Variants in CYTH4 observed in about 807,000 individuals in gnomAD.
CYTH4 encodes the protein cytohesin-4.
A neutral mutation model predicts 57.5 loss-of-function variants in CYTH4; 22 were observed. The ratio of observed to expected loss-of-function variants is 0.38; its 90% CI spans 0.27 to 0.55. The LOEUF is 0.55. Ranked by LOEUF, CYTH4 falls within the 20% of genes least tolerant of loss-of-function variation. CYTH4 has a pLI of 0.74. For synonymous variants in CYTH4, 186 were observed against 206.5 expected, an observed-to-expected ratio of 0.90 and a Z score of 0.85; for missense variants, 420 against 535.6, an observed-to-expected ratio of 0.78 and a Z score of 2.13.
intron 4 of CYTH4, 93 bp downstream of exon 4, chr22:37,296,158 C>T: frequency 7.7e-7 from 1 of 1,298,204 alleles, no homozygotes. Context: ...CTGACACGAC[C>T]CCTTTCCAGA....
chr22:37,296,274 G>A (rs1369514034), intron 4 of CYTH4: 1 of 596,474 alleles, frequency 1.7e-6, no homozygotes, highest in Non-Finnish European at 2.9e-6. Context: ...TGGGGCAGGA[G>A]GAGCCAGGAG....
intron 8 of CYTH4, among the ~76,000 whole-genome samples, chr22:37,305,915 C>A (rs1929377877): frequency 6.6e-6 from 1 of 151,230 alleles, no homozygotes; most frequent in African/African-American, 2.5e-5. Flanking sequence ...GTTGAGCCAA[C>A]CTTGCTCTGG....
intron 6 of CYTH4, among the ~76,000 whole-genome samples, chr22:37,300,469 G>A (rs1929138303): frequency 6.6e-6 from 1 of 152,210 alleles, no homozygotes; most frequent in Non-Finnish European, 1.5e-5. Context: ...AACTTCCAGA[G>A]CTAGAGGGAA....
At chr22:37,296,114 G>A (rs984484956) in intron 4 of CYTH4, 49 bp downstream of exon 4, 6 of 1,568,072 alleles carry the variant, frequency 3.8e-6, no homozygotes, top group South Asian at 1.1e-5. Context: ...GGCTGCATGG[G>A]AGCACCTGCC....
intron 9 of CYTH4, 34 bp from the exon 10 acceptor site, chr22:37,310,954 G>A (rs1192019917): frequency 1.2e-6 from 2 of 1,611,996 alleles, no homozygotes; most frequent in Non-Finnish European, 1.7e-6. Flanking sequence ...CCCAGGAGGA[G>A]GACTGACCAG....
chr22:37,282,764 G>T (rs954788149), intron 1 of CYTH4, among the ~76,000 whole-genome samples, 176 bp downstream of exon 1: 2 of 152,352 alleles, frequency 1.3e-5, no homozygotes, highest in Non-Finnish European at 2.9e-5. Context: ...CTAGGGGCTG[G>T]ACACACAGCA....
At chr22:37,310,540 A>G (rs1929601767) in intron 9 of CYTH4, among the ~76,000 whole-genome samples, 2 of 152,236 alleles carry the variant, frequency 1.3e-5, no homozygotes, top group African/African-American at 4.8e-5. Context: ...CTCATCTGTA[A>G]AATGGGGTTA....
chr22:37,293,514 G>T (rs1928826250), intron 2 of CYTH4, among the ~76,000 whole-genome samples: 3 of 152,252 alleles, frequency 2.0e-5, no homozygotes, highest in Admixed American at 1.3e-4. Context: ...GTTAATACTT[G>T]CAAATGAATC....
chr22:37,311,808 C>T lies in CYTH4; in HGVS notation c.958-212C>T, dbSNP rs902325107. On this transcript the variant is annotated intron_variant, in intron 11 of 12. Transcript: ENST00000248901. This position sits in a 1 kb window ranked among gnomAD's most constrained non-coding sequence, Gnocchi z 4.4. Reference sequence around the variant, plus strand: ...ACTCCATTCAGAACCTCAGTGAGCCCACATGTCACGTGGGGACTTTAGGGA... The same window carrying T: ...ACTCCATTCAGAACCTCAGTGAGCCTACATGTCACGTGGGGACTTTAGGGA... The T allele has an allele frequency of 2.8e-6, 2 of 703,230 alleles. No homozygotes were observed. The highest frequency in any genetic ancestry group is 4.6e-6 in the Non-Finnish European group (2 of 430,934). The allele number at this position is 703,230 out of a possible 1,614,324, so 43.6% of individuals were successfully genotyped here.
intron 8 of CYTH4, among the ~76,000 whole-genome samples, chr22:37,308,580 G>A (rs1180147850): frequency 6.6e-6 from 1 of 151,904 alleles, no homozygotes; most frequent in Non-Finnish European, 1.5e-5. Context: ...GTATGTGTGA[G>A]CGTGTATATG....
In CYTH4 at chr22:37,307,446, G is replaced by A. The variant is rs1053362734; in HGVS notation, c.697-1766G>A. The stretch of plus-strand genomic sequence containing the variant: ...CAGCCAGTGCCACCTGGGAATTCCC[G>A]GGGATGCACGTAGGGGCTTCCCAGA... On this transcript the variant is annotated intron_variant, in intron 8 of 12. Transcript: ENST00000248901. Among the ~76,000 whole-genome samples the A allele has an allele frequency of 2.9e-4, 44 of 152,076 alleles. 1 individual carries two copies. The highest frequency in any genetic ancestry group is 1.3e-3 in the Admixed American group (20 of 15,264).
Position 37,303,272 on chromosome 22 carries a change from CCTT to C in CYTH4, c.569_571del (p.Phe190del), listed in dbSNP as rs1929254890. 1 of 1,614,194 alleles carries C rather than the reference CCTT, an allele frequency of 6.2e-7. No homozygotes were observed. Among genetic ancestry groups the C allele is most frequent in the South Asian group, 1.1e-5 (1 of 91,082 alleles). ...TCCGCAGACACCTGCTACGTGTTGT[CCTT>C]CTCCATCATCATGCTCAACACCAGC... On this transcript the variant is annotated inframe_deletion, in exon 8 of 13. Coordinates refer to ENST00000248901, the MANE Select transcript of CYTH4 (RefSeq NM_013385.5).
At position 37,295,050 on chromosome 22, in the gene CYTH4, C is replaced by T. The variant is rs945078959; in HGVS notation, c.167+326C>T. Among the ~76,000 whole-genome samples the T allele has an allele frequency of 2.0e-5, 3 of 152,134 alleles. No homozygotes were observed. The highest frequency in any genetic ancestry group is 7.2e-5 in the African/African-American group (3 of 41,410). On this transcript the variant is annotated intron_variant, in intron 3 of 12. Coordinates refer to ENST00000248901, the MANE Select transcript of CYTH4 (RefSeq NM_013385.5). This position sits in a 1 kb window ranked among gnomAD's most constrained non-coding sequence, Gnocchi z 4.1. ...GGGATGGGCGGGGAGAAGGGAAGCT[C>T]AGCCCCAAGGGCAAGGACAAGGAAG...
rs1345653252 is a variant in CYTH4 at position 37,310,890 on chromosome 22, G to T, written c.809-98G>T. On this transcript the variant is annotated intron_variant, in intron 9 of 12. Transcript: ENST00000248901. ...ACGAAGTTTAGGGCACTCAGCTGGG[G>T]GTCCAGGGGAAAGCATCCGAGGACC... The T allele has an allele frequency of 5.1e-5, 66 of 1,306,526 alleles. No homozygotes were observed. In the Admixed American group the frequency reaches 9.6e-4, roughly 19 times the overall value. The allele number at this position is 1,306,526 out of a possible 1,614,324, so 80.9% of individuals were successfully genotyped here. A position where few individuals can be genotyped will look rare whatever the true frequency, so the allele number is the denominator to read the frequency against.
At chr22:37,313,324 G>A (rs535109239) in intron 12 of CYTH4, 115 bp from the exon 13 acceptor site, 40 of 1,033,994 alleles carry the variant, frequency 3.9e-5, no homozygotes, top group South Asian at 2.5e-4. Context: ...TTTCCCCCGC[G>A]GCAGAGCAGG....
intron 8 of CYTH4, among the ~76,000 whole-genome samples, chr22:37,308,630 C>A (rs6000659): frequency 0.49 from 72,777 of 149,712 alleles, 18,601 homozygotes; most frequent in African/African-American, 0.69. Context: ...GCATGCATGT[C>A]TGTGTGAGTA....
At chr22:37,304,542 G>A (rs539191378) in intron 8 of CYTH4, among the ~76,000 whole-genome samples, 13 of 152,182 alleles carry the variant, frequency 8.5e-5, no homozygotes, top group Non-Finnish European at 1.8e-4. Context: ...GAGGGGCAGA[G>A]GGGGCGCGAA....
chr22:37,305,848 A>T (rs930588675), intron 8 of CYTH4, among the ~76,000 whole-genome samples: 1 of 152,218 alleles, frequency 6.6e-6, no homozygotes, highest in African/African-American at 2.4e-5. Context: ...GACCATGAGG[A>T]TGCGCAGCTG....
At chr22:37,286,050 C>A (rs1180780050) in intron 1 of CYTH4, among the ~76,000 whole-genome samples, 1 of 152,182 alleles carries the variant, frequency 6.6e-6, no homozygotes, top group Non-Finnish European at 1.5e-5. Flanking sequence ...CAATCCCACT[C>A]CCCTGGGAAC....
Sources: gnomAD v4.1 joint callset for allele counts (sites outside exome capture counted in the v4.1 genomes callset) on GRCh38, gnomAD v4.1.1 for gene constraint, Gnocchi (gnomAD v3.1) non-coding constraint, MANE v1.5 for transcripts, NCBI Gene and HGNC (gene_info 2026-07-23, HGNC 2026-07-21) for gene names.